ERBB4: variants seen among roughly 807,000 people sequenced by gnomAD.
ERBB4 encodes the protein receptor tyrosine-protein kinase erbB-4.
Under a neutral mutation model 158.0 loss-of-function variants are expected in ERBB4, and 42 were observed. The ratio of observed to expected loss-of-function variants is 0.27; its 90% confidence interval spans 0.21 to 0.34. The LOEUF is 0.34. ERBB4 is among the 10% of genes least tolerant of loss of function. ERBB4 has a pLI of 1.00. For missense variants in ERBB4, 1,333 were observed against 1,624.1 expected (o/e 0.82, Z 3.08); for synonymous variants, 583 against 558.7 (o/e 1.04, Z -0.61).
chr2:211,981,188 T>C (rs2081786079), intron 2 of ERBB4, among the ~76,000 whole-genome samples: 1 of 152,148 alleles, frequency 6.6e-6, no homozygotes, highest in Admixed American at 6.5e-5. Flanking sequence ...GTCTATCCTC[T>C]GCACAATGGG....
chr2:212,454,427 C>G (rs1489645972), intron 1 of ERBB4, among the ~76,000 whole-genome samples: 1 of 152,184 alleles, frequency 6.6e-6, no homozygotes, highest in Non-Finnish European at 1.5e-5. Flanking sequence ...TAGCTATTAT[C>G]TGTGGGTTTT....
At chr2:212,261,271 A>G (rs1163311067) in intron 1 of ERBB4, among the ~76,000 whole-genome samples, 4 of 152,182 alleles carry the variant, frequency 2.6e-5, no homozygotes, top group Non-Finnish European at 5.9e-5. Flanking sequence ...GGACATGTGG[A>G]AAAAAATAGG....
At chr2:212,396,827 C>A (rs181706968) in intron 1 of ERBB4, among the ~76,000 whole-genome samples, 1 of 151,892 alleles carries the variant, frequency 6.6e-6, no homozygotes, top group Non-Finnish European at 1.5e-5. Context: ...CTCCTCAATC[C>A]ACAGAGGAAG....
At chr2:211,474,787 A>C (rs1032525862) in intron 20 of ERBB4, among the ~76,000 whole-genome samples, 2 of 152,078 alleles carry the variant, frequency 1.3e-5, no homozygotes, top group Non-Finnish European at 2.9e-5. Context: ...GCTTCTTAGA[A>C]AGTCTAGAGT....
intron 13 of ERBB4, among the ~76,000 whole-genome samples, chr2:211,675,151 C>G (rs1377362392): frequency 6.6e-6 from 1 of 152,122 alleles, no homozygotes; most frequent in Admixed American, 6.5e-5. Flanking sequence ...TTGCCAGAGT[C>G]ACCCTTTCAC....
At chr2:211,573,787 AACACTCAGTGCTAGAG>A (rs1324920477) in intron 19 of ERBB4, among the ~76,000 whole-genome samples, 1 of 152,236 alleles carries the variant, frequency 6.6e-6, no homozygotes, top group Non-Finnish European at 1.5e-5. Context: ...GAGGACTCAT[AACACTCAGTGCTAGAG>A]ACACTCAGTG....
intron 1 of ERBB4, among the ~76,000 whole-genome samples, chr2:212,481,892 C>A (rs185510160): frequency 2.0e-4 from 31 of 152,270 alleles, no homozygotes; most frequent in Non-Finnish European, 4.1e-4. Flanking sequence ...AGTTCAGCAC[C>A]AGCAAATTAC....
At chr2:211,638,262 A>G (rs1000143012) in intron 16 of ERBB4, among the ~76,000 whole-genome samples, 1 of 152,042 alleles carries the variant, frequency 6.6e-6, no homozygotes, top group African/African-American at 2.4e-5. Context: ...TACTCTGTTC[A>G]GCCTTCCCCA....
chr2:211,553,632 C>T (rs1269455880), intron 20 of ERBB4, among the ~76,000 whole-genome samples: 1 of 152,124 alleles, frequency 6.6e-6, no homozygotes, highest in East Asian at 1.9e-4. Context: ...GTAAGCTTAG[C>T]ACATTACAAA....
intron 1 of ERBB4, among the ~76,000 whole-genome samples, chr2:212,149,617 C>T (rs2080804518): frequency 6.6e-6 from 1 of 152,122 alleles, no homozygotes; most frequent in South Asian, 2.1e-4. Context: ...GAAAAATGCT[C>T]TTATTTAGAA....
intron 3 of ERBB4, among the ~76,000 whole-genome samples, chr2:211,877,335 C>A (rs1255131300): frequency 1.3e-5 from 2 of 150,828 alleles, no homozygotes; most frequent in African/African-American, 2.4e-5. Context: ...TCTGAACTCA[C>A]TACCTCCAGA....
intron 2 of ERBB4, among the ~76,000 whole-genome samples, chr2:212,074,524 C>A (rs4468766): frequency 0.84 from 127,393 of 151,944 alleles, 55,152 homozygotes; most frequent in East Asian, 1. Context: ...TAACCAAATA[C>A]TATTTTAAAA....
At chr2:212,160,725 A>G (rs2081178821) in intron 1 of ERBB4, among the ~76,000 whole-genome samples, 1 of 151,980 alleles carries the variant, frequency 6.6e-6, no homozygotes, top group Non-Finnish European at 1.5e-5. Flanking sequence ...TTAACTCTTC[A>G]TGAATTCTGT....
In ERBB4 at chr2:211,886,091, T is replaced by C. The variant is rs977664779; in HGVS notation, c.421+61339A>G. 1.2e-4 allele frequency among the ~76,000 whole-genome samples: 19 copies of C among 152,352 alleles called. No homozygotes were observed. The East Asian group carries it at 3.5e-3, about 28-fold the overall frequency. On this transcript the variant is annotated intron_variant, in intron 3 of 27. Coordinates refer to ENST00000342788, the MANE Select transcript of ERBB4 (RefSeq NM_005235.3). The stretch of plus-strand genomic sequence containing the variant: ...ATTGCAAAGAGCAATAAGTTCTTTT[T>C]AGATGATATCTTCTTGGGCATATAC...
intron 1 of ERBB4, among the ~76,000 whole-genome samples, chr2:212,141,924 A>G (rs142903498): frequency 4.8e-4 from 73 of 152,186 alleles, no homozygotes; most frequent in African/African-American, 1.7e-3. Flanking sequence ...AATATCTCCA[A>G]TGGTTTCTCA....
chr2:211,623,219 A>G (rs940742142), intron 18 of ERBB4, among the ~76,000 whole-genome samples: 28 of 151,362 alleles, frequency 1.8e-4, no homozygotes, highest in African/African-American at 6.0e-4. Context: ...AAGTAAACAT[A>G]CACATGCCAT....
At chr2:212,182,154 C>T (rs778997170) in intron 1 of ERBB4, among the ~76,000 whole-genome samples, 33 of 151,754 alleles carry the variant, frequency 2.2e-4, no homozygotes, top group Non-Finnish European at 4.3e-4. Flanking sequence ...GTTCTAAATT[C>T]CTAACATCTA....
chr2:212,209,878 G>C (rs188243009), intron 1 of ERBB4, among the ~76,000 whole-genome samples: 13 of 152,164 alleles, frequency 8.5e-5, no homozygotes, highest in Admixed American at 7.9e-4. Flanking sequence ...GTCCAGAGTA[G>C]AGAAAAGACA....
chr2:211,761,577 A>T (rs542670027), intron 4 of ERBB4, among the ~76,000 whole-genome samples: 1 of 152,082 alleles, frequency 6.6e-6, no homozygotes, highest in Non-Finnish European at 1.5e-5. Context: ...GTTCTTGCCC[A>T]TTATTTCATT....
Sources: allele counts gnomAD v4.1 joint callset (sites outside exome capture counted in the v4.1 genomes callset), GRCh38; gene constraint gnomAD v4.1.1; transcripts MANE v1.5; gene names NCBI Gene and HGNC (gene_info 2026-07-23, HGNC 2026-07-21).